Variants in AKAIN1 observed in about 807,000 individuals in gnomAD.
The protein encoded by AKAIN1 is A-kinase anchor inhibitor 1.
AKAIN1 carries 3 observed loss-of-function variants against 3.7 expected under a neutral mutation model. The observed-to-expected ratio is 0.82, with a 90% confidence interval of 0.37 to 2.12. The LOEUF is 2.12. AKAIN1 is among the 30% of genes most tolerant of loss of function. The probability of loss-of-function intolerance (pLI) is 0.06; values close to 1 mark genes in which losing one functional copy is unlikely to be tolerated. For synonymous variants in AKAIN1, 31 were observed against 30.8 expected, an observed-to-expected ratio of 1.01 and a Z score of -0.02; for missense variants, 82 against 82.7, an observed-to-expected ratio of 0.99 and a Z score of 0.03.
intron 1 of AKAIN1, among the ~76,000 whole-genome samples, chr18:5,177,753 A>G (rs2143362469): frequency 6.6e-6 from 1 of 152,238 alleles, no homozygotes. Context: ...CTTGAACCTA[A>G]CTTGATAATA....
At chr18:5,154,694 C>A (rs1567872151) in intron 1 of AKAIN1, among the ~76,000 whole-genome samples, 1 of 152,000 alleles carries the variant, frequency 6.6e-6, no homozygotes, top group Non-Finnish European at 1.5e-5. Flanking sequence ...CTCGCCAACC[C>A]CTTTAGGCTT....
intron 1 of AKAIN1, among the ~76,000 whole-genome samples, chr18:5,162,625 CGT>C (rs150673471): frequency 0.036 from 5,228 of 145,676 alleles, 140 homozygotes; most frequent in African/African-American, 0.074. Context: ...CAATGTGATG[CGT>C]GTGTGTGTGT....
At chr18:5,191,916 T>C (rs2071320678) in intron 1 of AKAIN1, among the ~76,000 whole-genome samples, 1 of 152,204 alleles carries the variant, frequency 6.6e-6, no homozygotes, top group African/African-American at 2.4e-5. Context: ...CCTATACGCA[T>C]ATATTTCTTA....
chr18:5,181,291 CA>C (rs1434601299), intron 1 of AKAIN1, among the ~76,000 whole-genome samples: 2 of 151,916 alleles, frequency 1.3e-5, no homozygotes, highest in Non-Finnish European at 2.9e-5. Context: ...GACCTCATCT[CA>C]AAAAGAAAAT....
At position 5,197,075 on chromosome 18, in the gene AKAIN1, C is replaced by T. The variant is rs773802813; in HGVS notation, c.-22G>A. On this transcript the variant is annotated 5_prime_UTR_variant, in exon 1 of 2. Coordinates refer to ENST00000434239, the MANE Select transcript of AKAIN1 (RefSeq NM_001145194.2). This position sits in a 1 kb window ranked among gnomAD's most constrained non-coding sequence, Gnocchi z 6.9. ...CCATGATTTCTTCCAGCCGCTACGC[C>T]CCCAGATTAAGAGAGAAAGACAGGC... 33 of 1,551,466 alleles carry T rather than the reference C, an allele frequency of 2.1e-5. No homozygotes were observed. Among genetic ancestry groups the T allele is most frequent in the Middle Eastern group, 1.7e-4 (1 of 5,984 alleles).
chr18:5,154,029 C>T (rs765495566), intron 1 of AKAIN1, among the ~76,000 whole-genome samples: 7 of 152,086 alleles, frequency 4.6e-5, no homozygotes, highest in East Asian at 1.9e-4. Flanking sequence ...TCTGGGAGAT[C>T]GAGACCAGCC....
At chr18:5,148,008 C>A (rs891084798) in intron 1 of AKAIN1, among the ~76,000 whole-genome samples, 1 of 152,196 alleles carries the variant, frequency 6.6e-6, no homozygotes, top group Non-Finnish European at 1.5e-5. Context: ...CCTCAGTAAG[C>A]CTCTTTGCAT....
intron 1 of AKAIN1, among the ~76,000 whole-genome samples, chr18:5,148,371 C>G (rs1307498580): frequency 6.6e-6 from 1 of 152,142 alleles, no homozygotes; most frequent in Non-Finnish European, 1.5e-5. Flanking sequence ...AACCAATATC[C>G]CATGTGGGAC....
chr18:5,158,715 C>G (rs2071122050), intron 1 of AKAIN1, among the ~76,000 whole-genome samples: 1 of 152,284 alleles, frequency 6.6e-6, no homozygotes, highest in East Asian at 1.9e-4. Flanking sequence ...TATAAACTTC[C>G]TGAACCCTGC....
intron 1 of AKAIN1, among the ~76,000 whole-genome samples, chr18:5,149,811 C>A (rs1338388692): frequency 6.6e-6 from 1 of 152,144 alleles, no homozygotes; most frequent in Non-Finnish European, 1.5e-5. Flanking sequence ...CCTTATAAAG[C>A]AGCACTTTTA....
intron 1 of AKAIN1, among the ~76,000 whole-genome samples, chr18:5,172,458 T>A (rs886504198): frequency 2.6e-5 from 4 of 151,992 alleles, no homozygotes; most frequent in African/African-American, 7.2e-5. Flanking sequence ...ATTAAAAATT[T>A]AAAAAAAATT....
chr18:5,190,582 C>T (rs2071313304), intron 1 of AKAIN1, among the ~76,000 whole-genome samples: 1 of 152,016 alleles, frequency 6.6e-6, no homozygotes, highest in Non-Finnish European at 1.5e-5. Context: ...TTGAAAAATT[C>T]ACATCATTTT....
At chr18:5,165,930 A>G (rs1178524024) in intron 1 of AKAIN1, among the ~76,000 whole-genome samples, 3 of 152,054 alleles carry the variant, frequency 2.0e-5, no homozygotes, top group Non-Finnish European at 2.9e-5. Flanking sequence ...AAGCCTCAAC[A>G]CTAACCTACT....
In AKAIN1 at chr18:5,144,885, C is replaced by T. The variant is rs2071039741; in HGVS notation, c.*677G>A. The stretch of plus-strand genomic sequence containing the variant: ...CTTGAGAAAAGAAATCCATAATATT[C>T]CCAAAAGATTTCTACACAGAGCATA... On this transcript the variant is annotated 3_prime_UTR_variant, in exon 2 of 2. Transcript: ENST00000434239. Among the ~76,000 whole-genome samples, 1 of 152,128 alleles carries T rather than the reference C, an allele frequency of 6.6e-6. No homozygotes were observed. Among genetic ancestry groups the T allele is most frequent in the African/African-American group, 2.4e-5 (1 of 41,418 alleles).
chr18:5,189,460 G>A (rs1278998914), intron 1 of AKAIN1, among the ~76,000 whole-genome samples: 1 of 151,780 alleles, frequency 6.6e-6, no homozygotes, highest in African/African-American at 2.4e-5. Flanking sequence ...TATAAATTTT[G>A]TCTTTAAGTC....
intron 1 of AKAIN1, among the ~76,000 whole-genome samples, chr18:5,171,300 C>A (rs2071196343): frequency 6.6e-6 from 1 of 151,996 alleles, no homozygotes; most frequent in Non-Finnish European, 1.5e-5. Context: ...TTGAGAAATA[C>A]CCAACAAGCA....
chr18:5,145,920 G>T (rs1180856294), intron 1 of AKAIN1, among the ~76,000 whole-genome samples, 165 bp from the exon 2 acceptor site: 1 of 152,154 alleles, frequency 6.6e-6, no homozygotes, highest in African/African-American at 2.4e-5. Context: ...ACAATTGGGG[G>T]ATTGGTCTCA....
At chr18:5,167,559 C>T (rs2071174000) in intron 1 of AKAIN1, among the ~76,000 whole-genome samples, 1 of 151,990 alleles carries the variant, frequency 6.6e-6, no homozygotes, top group African/African-American at 2.4e-5. Context: ...AATATCGTCC[C>T]CTCAAGAGCT....
At chr18:5,196,492 G>C (rs2071348377) in intron 1 of AKAIN1, among the ~76,000 whole-genome samples, 1 of 152,262 alleles carries the variant, frequency 6.6e-6, no homozygotes, top group African/African-American at 2.4e-5. Context: ...CTGTGCTGCA[G>C]CCTCCGGTCG....
Sources: gnomAD v4.1 joint callset for allele counts (sites outside exome capture counted in the v4.1 genomes callset) on GRCh38, gnomAD v4.1.1 for gene constraint, Gnocchi (gnomAD v3.1) non-coding constraint, MANE v1.5 for transcripts, NCBI Gene and HGNC (gene_info 2026-07-23, HGNC 2026-07-21) for gene names.